IRAG2: variants seen among roughly 807,000 people sequenced by gnomAD.
IRAG2 encodes lymphoid restricted membrane protein.
Under a neutral mutation model 69.9 loss-of-function variants are expected in IRAG2, and 45 were observed. The observed-to-expected ratio is 0.64, with a 90% CI of 0.51 to 0.83. The LOEUF is 0.83. IRAG2 is among the 40% of genes least tolerant of loss of function. IRAG2 has a pLI of 0.00. For synonymous variants in IRAG2, 193 were observed against 202.4 expected (o/e 0.95, Z 0.40); for missense variants, 520 against 587.0 (o/e 0.89, Z 1.18).
At chr12:25,082,134 T>C (rs1947259086) in intron 9 of IRAG2, among the ~76,000 whole-genome samples, 1 of 152,168 alleles carries the variant, frequency 6.6e-6, no homozygotes, top group African/African-American at 2.4e-5. Flanking sequence ...TTTTTATGTA[T>C]GCATGAAATA....
upstream of IRAG2, among the ~76,000 whole-genome samples, chr12:25,047,611 C>T (rs1038400281): frequency 2.0e-5 from 3 of 152,070 alleles, no homozygotes; most frequent in African/African-American, 7.2e-5. Flanking sequence ...GATGCTCTCC[C>T]TCCTCACCTG....
intron 1 of IRAG2, among the ~76,000 whole-genome samples, chr12:25,055,895 C>A (rs1178832949): frequency 6.6e-6 from 1 of 152,124 alleles, no homozygotes; most frequent in Non-Finnish European, 1.5e-5. Flanking sequence ...AACTATCACC[C>A]CCTTACTATT....
chr12:25,079,146 T>C, intron 6 of IRAG2, 98 bp from the exon 7 acceptor site: 1 of 1,191,832 alleles, frequency 8.4e-7, no homozygotes, highest in Non-Finnish European at 1.3e-6. Flanking sequence ...TAAATATGGG[T>C]TCATTTAGAA....
chr12:25,004,592 CCTTCATTT>C lies in IRAG2; in HGVS notation c.253_260del (p.Phe85IlefsTer19). 8.1e-7 allele frequency: 1 copy of C among 1,232,068 alleles called. No homozygotes were observed. The highest frequency in any genetic ancestry group is 1.0e-6 in the Non-Finnish European group (1 of 987,944). 76.3% of individuals were successfully genotyped at this position (1,232,068 alleles called of 1,614,324 possible). On this transcript the variant is annotated frameshift_variant, in exon 1 of 39. Transcript: ENST00000636465. LOFTEE classifies it high-confidence loss of function. ...TGGTCAAGTTCTGAGGAAGTCGATG[CCTTCATTT>C]CATCGCCTCAAATAATATCTCCAAG... is the stretch of plus-strand genomic sequence containing the variant.
rs1178353704 is a variant in IRAG2, at chr12:25,019,859, A to C, written c.1215-931A>C. The stretch of plus-strand genomic sequence containing the variant: ...CCTGTTTAGCCTAGTGCTTAGTAGA[A>C]TACCTACTGTAGAACAGCACTACTT... On this transcript the variant is annotated intron_variant, in intron 6 of 38. Coordinates refer to the IRAG2 transcript ENST00000636465. Among the ~76,000 whole-genome samples the C allele has an allele frequency of 9.2e-5, 14 of 152,330 alleles. No individual in the cohort carries two copies. The East Asian group carries it at 2.7e-3, about 29-fold the overall frequency.
chr12:25,088,133 C>T lies in IRAG2; in HGVS notation c.349C>T (p.His117Tyr), dbSNP rs761745868. 1.2e-6 allele frequency: 2 copies of T among 1,613,298 alleles called. No individual in the cohort carries two copies. Among genetic ancestry groups the T allele is most frequent in the African/African-American group, 1.3e-5 (1 of 75,010 alleles). Residue 117 changes from histidine to tyrosine, a missense_variant, in exon 11 of 22, where the codon CAT (histidine) becomes TAT (tyrosine). By Grantham distance (83) the His-to-Tyr change is moderately conservative. Coordinates refer to ENST00000556887, the MANE Select transcript of IRAG2 (RefSeq NM_001366544.2). ...AKEEPETIEE[H>Y]KKEHASGDSV... The stretch of plus-strand genomic sequence containing the variant: ...AGAGGAACCAGAAACAATAGAAGAA[C>T]ATAAAAAAGAACATGCTTCAGGAGG...
At chr12:25,098,099 T>C (rs1333659706) in intron 15 of IRAG2, among the ~76,000 whole-genome samples, 1 of 152,200 alleles carries the variant, frequency 6.6e-6, no homozygotes, top group Non-Finnish European at 1.5e-5. Flanking sequence ...TTTCACTACC[T>C]TGCATGTCCC....
rs1908946 is a variant in IRAG2 at position 25,090,181 on chromosome 12, G to A, written c.590G>A (p.Cys197Tyr). The change falls in exon 14 of 22, where the codon TGT becomes TAT. Residue 197 changes from cysteine to tyrosine, a missense_variant. Physicochemically the swap from Cys to Tyr is radical, Grantham distance 194 (BLOSUM62 -2). Coordinates refer to ENST00000556887, the MANE Select transcript of IRAG2 (RefSeq NM_001366544.2). ...AATTTGAAGAAAGAAATCACTAACT[G>A]TTTAAAACTATTAGAGGTGAGAATC... Reference protein sequence around the residue: ...EENLKKEITNCLKLLESLTPL... With the variant: ...EENLKKEITNYLKLLESLTPL... 2.5e-6 allele frequency: 4 copies of A among 1,613,224 alleles called. No individual in the cohort carries two copies. The highest frequency in any genetic ancestry group is 3.4e-6 in the Non-Finnish European group (4 of 1,179,554).
At chr12:25,069,866 T>G (rs116093057) in intron 6 of IRAG2, among the ~76,000 whole-genome samples, 1,743 of 152,242 alleles carry the variant, frequency 0.011, 23 homozygotes, top group African/African-American at 0.031. Flanking sequence ...GCCATGCCCA[T>G]GGAGAGTAGT....
Position 25,105,040 on chromosome 12 carries a change from T to C in IRAG2, c.1148+578T>C, listed in dbSNP as rs1948958706. ...CTACCTCTGAGTCCTTGGGTGACAT[T>C]AGAAAAAGTGCCTAACCTTACTTGG... On this transcript the variant is annotated intron_variant, in intron 20 of 21. Transcript: ENST00000556887. Among the ~76,000 whole-genome samples the C allele has an allele frequency of 3.3e-5, 5 of 150,516 alleles. No individual in the cohort carries two copies. The South Asian group carries it at 1.0e-3, about 32-fold the overall frequency.
In IRAG2 at chr12:25,079,445, G is replaced by T; in HGVS notation, c.119G>T (p.Gly40Val). 1.2e-6 allele frequency: 2 copies of T among 1,613,042 alleles called. No homozygotes were observed. Among genetic ancestry groups the T allele is most frequent in the Non-Finnish European group, 1.7e-6 (2 of 1,179,036 alleles). Residue 40 changes from glycine to valine, a missense_variant, in exon 8 of 22, where the codon GGT becomes GTT. Transcript: ENST00000556887. The stretch of plus-strand genomic sequence containing the variant: ...CCCAGACACACTTCATCGACAGACG[G>T]TACTATAACTTCAAGTGGTAAGTGG... ...PLPRHTSSTDGTITSSDPGLE... is the reference protein window; with the variant it reads ...PLPRHTSSTDVTITSSDPGLE...
intron 12 of IRAG2, among the ~76,000 whole-genome samples, chr12:25,032,836 A>G (rs1048750194): frequency 2.0e-5 from 3 of 152,148 alleles, no homozygotes; most frequent in Non-Finnish European, 4.4e-5. Flanking sequence ...TCCAAATACC[A>G]TCGCATTGGG....
intron 6 of IRAG2, among the ~76,000 whole-genome samples, chr12:25,019,533 A>T (rs1162464028): frequency 6.6e-6 from 1 of 152,178 alleles, no homozygotes; most frequent in Non-Finnish European, 1.5e-5. Context: ...TCTGATGTCC[A>T]GCTGCCTCTT....
At chr12:25,069,482 T>TATATG in intron 6 of IRAG2, 51 bp downstream of exon 6, 3 of 1,494,190 alleles carry the variant, frequency 2.0e-6, no homozygotes, top group Non-Finnish European at 2.8e-6. Context: ...CCATATCCTG[T>TATATG]TCTTCTTCTA....
At chr12:25,036,071 A>C (rs1270941885) in intron 14 of IRAG2, among the ~76,000 whole-genome samples, 1 of 152,186 alleles carries the variant, frequency 6.6e-6, no homozygotes, top group Non-Finnish European at 1.5e-5. Flanking sequence ...CATGGTATCT[A>C]TTGAACAGTT....
intron 1 of IRAG2, among the ~76,000 whole-genome samples, chr12:25,061,067 G>A (rs1418542208): frequency 6.6e-6 from 1 of 152,170 alleles, no homozygotes; most frequent in East Asian, 1.9e-4. Context: ...ACCCAAGGGA[G>A]ATAATGGCTT....
upstream of IRAG2, among the ~76,000 whole-genome samples, chr12:25,048,369 T>C (rs1944814489): frequency 6.6e-6 from 1 of 152,152 alleles, no homozygotes; most frequent in Non-Finnish European, 1.5e-5. Flanking sequence ...CGATCTCGGC[T>C]CACTGCAACC....
chr12:25,012,189 C>T (rs1003254206), intron 3 of IRAG2, among the ~76,000 whole-genome samples: 1 of 113,572 alleles, frequency 8.8e-6, no homozygotes, highest in African/African-American at 3.3e-5. Flanking sequence ...GAGTTTCACT[C>T]TGTTGCCCAG....
At position 25,063,731 on chromosome 12, in the gene IRAG2, C is replaced by T. The variant is rs1945785444; in HGVS notation, c.-292C>T. On this transcript the variant is annotated 5_prime_UTR_variant, in exon 4 of 22. Coordinates refer to ENST00000556887, the MANE Select transcript of IRAG2 (RefSeq NM_001366544.2). ...GGTTTTCTGTTCAGAAGCAGTGTTG[C>T]CACAAACTATATGGTGGTCAAGAAG... 2.5e-6 allele frequency: 1 copy of T among 398,950 alleles called. No homozygotes were observed. The highest frequency in any genetic ancestry group is 4.4e-6 in the Non-Finnish European group (1 of 226,032). The allele number at this position is 398,950 out of a possible 1,614,324, so 24.7% of individuals were successfully genotyped here.
Sources: gnomAD v4.1 joint callset for allele counts (sites outside exome capture counted in the v4.1 genomes callset) on GRCh38, gnomAD v4.1.1 for gene constraint, MANE v1.5 for transcripts, NCBI Gene and HGNC (gene_info 2026-07-23, HGNC 2026-07-21) for gene names.